Variants in TDRD12 observed in about 807,000 individuals in gnomAD.
The protein encoded by TDRD12 is tudor domain containing 12, also known as putative ATP-dependent RNA helicase TDRD12.
TDRD12 carries 158 observed loss-of-function variants against 133.5 expected under a neutral mutation model. The observed-to-expected ratio is 1.18, with a 90% CI of 1.04 to 1.35. TDRD12 has a LOEUF of 1.35. Among genes scored for constraint, TDRD12 ranks in the 40% most tolerant of loss-of-function variants. The pLI is 0.00. For synonymous variants in TDRD12, 460 were observed against 477.9 expected (o/e 0.96, Z 0.49); for missense variants, 1,443 against 1,321.3 (o/e 1.09, Z -1.43).
At chr19:32,816,211 A>G (rs11671229) in intron 26 of TDRD12, among the ~76,000 whole-genome samples, 16,511 of 152,186 alleles carry the variant, frequency 0.11, 1,134 homozygotes, top group Middle Eastern at 0.17. Context: ...CAAATAACGC[A>G]CACACAGAAA....
chr19:32,810,932 T>TA (rs1011910562), intron 23 of TDRD12, among the ~76,000 whole-genome samples: 5 of 152,030 alleles, frequency 3.3e-5, no homozygotes, highest in Admixed American at 6.6e-5. Context: ...AGGAAAAAAA[T>TA]AAAAAAACTT....
chr19:32,803,579 T>C (rs1324575625), intron 21 of TDRD12, among the ~76,000 whole-genome samples: 1 of 152,182 alleles, frequency 6.6e-6, no homozygotes, highest in African/African-American at 2.4e-5. Context: ...CTCTTGGCCA[T>C]GTCTTTTGTG....
rs11878968 is a variant in TDRD12, at chr19:32,776,616, T to G, written c.1041-533T>G. ...AGACAAGAAAGTCCTGGTGATTCTG[T>G]TTTTCAAGTGTTTGACTTCTCTCCC... On this transcript the variant is annotated intron_variant, in intron 10 of 27. Coordinates refer to ENST00000444215, the Ensembl canonical transcript of TDRD12. 9.4e-3 allele frequency among the ~76,000 whole-genome samples: 1,426 copies of G among 152,220 alleles called. 27 individuals carry two copies. The highest frequency in any genetic ancestry group is 0.032 in the African/African-American group (1,340 of 41,532).
intron 25 of TDRD12, 45 bp downstream of exon 25, chr19:32,813,821 G>A (rs1310078190): frequency 1.3e-5 from 14 of 1,113,626 alleles, no homozygotes; most frequent in African/African-American, 4.7e-5. Context: ...TTGAATGGGC[G>A]GCTAAAATTA....
At chr19:32,817,761 C>T (rs553268165) in intron 26 of TDRD12, among the ~76,000 whole-genome samples, 1 of 151,434 alleles carries the variant, frequency 6.6e-6, no homozygotes, top group Non-Finnish European at 1.5e-5. Context: ...CTCTCCTTGA[C>T]CCCGCCCGAG....
intron 11 of TDRD12, among the ~76,000 whole-genome samples, chr19:32,784,882 T>G (rs1309838226): frequency 1.3e-5 from 2 of 152,186 alleles, no homozygotes; most frequent in Non-Finnish European, 2.9e-5. Context: ...CTTTTCTTCT[T>G]TATTAGTCTT....
intron 17 of TDRD12, 29 bp downstream of exon 17, chr19:32,800,387 G>GTGTA: frequency 2.2e-6 from 2 of 900,264 alleles, no homozygotes; most frequent in African/African-American, 1.7e-5. Context: ...GTATGTGTAT[G>GTGTA]TGTGTGTGTG....
rs1599595610 is a variant in TDRD12 at position 32,794,788 on chromosome 19, A to G, written c.1448A>G (p.Tyr483Cys). The G allele has an allele frequency of 2.0e-5, 14 of 703,240 alleles. No homozygotes were observed. The East Asian group carries it at 2.9e-4, about 15-fold the overall frequency. 43.6% of individuals were successfully genotyped at this position (703,240 alleles called of 1,614,324 possible). The change falls in exon 14 of 28, where the codon TAC becomes TGC. Residue 483 changes from tyrosine to cysteine, a missense_variant. Coordinates refer to ENST00000444215, the Ensembl canonical transcript of TDRD12. ...ACAGTTTTGCAAACAGGAGCCTGCTACAAGTCATTACCAAGTAGAAATGGA... is the reference window on the plus strand; with the variant it reads ...ACAGTTTTGCAAACAGGAGCCTGCTGCAAGTCATTACCAAGTAGAAATGGA...
intron 27 of TDRD12, among the ~76,000 whole-genome samples, chr19:32,820,134 C>T (rs1174047674): frequency 6.6e-5 from 10 of 152,072 alleles, no homozygotes; most frequent in Admixed American, 5.9e-4. Flanking sequence ...TGGCTCAGGA[C>T]GCTCGCTGCC....
intron 16 of TDRD12, among the ~76,000 whole-genome samples, chr19:32,798,681 G>A (rs956980119): frequency 1.3e-5 from 2 of 152,168 alleles, no homozygotes; most frequent in Non-Finnish European, 2.9e-5. Flanking sequence ...AAATTTTTCT[G>A]ATTACAGAAG....
chr19:32,799,291 T>C (rs1971317855), intron 16 of TDRD12, among the ~76,000 whole-genome samples: 1 of 152,124 alleles, frequency 6.6e-6, no homozygotes, highest in Non-Finnish European at 1.5e-5. Context: ...AAAACTAGTA[T>C]CTAGGCATAC....
chr19:32,753,084 G>A (rs8106387), intron 6 of TDRD12, among the ~76,000 whole-genome samples: 74,372 of 151,860 alleles, frequency 0.49, 18,290 homozygotes, highest in Middle Eastern at 0.55. Context: ...GAGCCACCGC[G>A]CCCGGCCACT....
intron 1 of TDRD12, among the ~76,000 whole-genome samples, chr19:32,724,016 C>A (rs1968777668): frequency 6.6e-6 from 1 of 152,018 alleles, no homozygotes; most frequent in African/African-American, 2.4e-5. Flanking sequence ...TGCCCCCACT[C>A]CTGGTTAATT....
At chr19:32,736,730 C>T (rs534272292) in intron 2 of TDRD12, among the ~76,000 whole-genome samples, 2 of 152,290 alleles carry the variant, frequency 1.3e-5, no homozygotes, top group African/African-American at 4.8e-5. Context: ...TCTGTCTGAG[C>T]GCAGCTCTCC....
intron 8 of TDRD12, among the ~76,000 whole-genome samples, chr19:32,763,103 A>ATG (rs1210184649): frequency 6.6e-6 from 1 of 152,146 alleles, no homozygotes; most frequent in Non-Finnish European, 1.5e-5. Flanking sequence ...ACCATCGTAT[A>ATG]TGTGGTCTAT....
At chr19:32,813,578 GA>G in intron 24 of TDRD12, 105 bp from the exon 25 acceptor site, 1 of 637,628 alleles carries the variant, frequency 1.6e-6, no homozygotes, top group Non-Finnish European at 2.7e-6. Context: ...GCATTACTGT[GA>G]GGCTCAAATG....
intron 17 of TDRD12, 58 bp from the exon 18 acceptor site, chr19:32,800,586 T>G: frequency 7.0e-7 from 1 of 1,426,160 alleles, no homozygotes; most frequent in Non-Finnish European, 9.2e-7. Flanking sequence ...CTGTGGAAAG[T>G]GGATCTGGAG....
rs138793583 is a variant in TDRD12, at chr19:32,754,865, C to T, written c.583-1127C>T. 8.2e-3 allele frequency among the ~76,000 whole-genome samples: 1,244 copies of T among 151,930 alleles called. 6 individuals carry two copies. The highest frequency in any genetic ancestry group is 0.012 in the Non-Finnish European group (799 of 67,954). The stretch of plus-strand genomic sequence containing the variant: ...GCTAATTTTGTATTTTTAGTAGAGA[C>T]GGGGTTTCTCCATGTTGGTCTTACT... On this transcript the variant is annotated intron_variant, in intron 6 of 27. Coordinates refer to ENST00000444215, the Ensembl canonical transcript of TDRD12.
chr19:32,800,326 G>A (rs760634987), exon 17 of TDRD12: 2 of 1,526,220 alleles, frequency 1.3e-6, no homozygotes, highest in Non-Finnish European at 8.7e-7. Flanking sequence ...CACAGCCATG[G>A]AAGAGGCTGC....
Sources: gnomAD v4.1 joint callset for allele counts (sites outside exome capture counted in the v4.1 genomes callset) on GRCh38, gnomAD v4.1.1 for gene constraint, MANE v1.5 for transcripts, NCBI Gene and HGNC (gene_info 2026-07-23, HGNC 2026-07-21) for gene names.